Variants in SULF2 observed in about 807,000 individuals in gnomAD.
SULF2 encodes the protein extracellular sulfatase Sulf-2.
SULF2 carries 52 observed loss-of-function variants against 107.7 expected under a neutral mutation model. The observed-to-expected ratio is 0.48, with a 90% CI of 0.39 to 0.61. The LOEUF is 0.61. Ranked by LOEUF, SULF2 falls within the 20% of genes least tolerant of loss-of-function variation. SULF2 has a pLI of 0.00. For missense variants in SULF2, 993 were observed against 1,177.3 expected, an observed-to-expected ratio of 0.84 and a Z score of 2.29; for synonymous variants, 460 against 464.3, an observed-to-expected ratio of 0.99 and a Z score of 0.12.
intron 1 of SULF2, among the ~76,000 whole-genome samples, chr20:47,771,802 A>G (rs1600687747): frequency 1.3e-5 from 2 of 152,298 alleles, no homozygotes. Context: ...GATGCTCATC[A>G]TGCCTGGCTG....
At chr20:47,689,896 GGC>G in intron 5 of SULF2, 1 of 385,932 alleles carries the variant, frequency 2.6e-6, no homozygotes, top group Non-Finnish European at 4.5e-6. Flanking sequence ...CTTGGTGGGA[GGC>G]CGTGTATCCC....
At position 47,672,211 on chromosome 20, in the gene SULF2, T is replaced by C; in HGVS notation, c.1563A>G (p.Lys521=). The C allele has an allele frequency of 6.2e-7, 1 of 1,606,976 alleles. No individual in the cohort carries two copies. The highest frequency in any genetic ancestry group is 8.5e-7 in the Non-Finnish European group (1 of 1,175,156). The part of the protein sequence containing the change: ...YKLSLAGRRK[K]LFKKKYKASY... ...TGTGACACTTACTCTTCTTGAAGAG[T>C]TTTTTCCGGCGTCCGGCCAGGCTGA... Residue 521 remains lysine (K), a synonymous_variant, in exon 11 of 21, where the codon AAA becomes AAG. Transcript: ENST00000688720.
chr20:47,744,946 A>G lies in SULF2; in HGVS notation c.176-8004T>C, dbSNP rs147361902. 5.4e-4 allele frequency among the ~76,000 whole-genome samples: 82 copies of G among 152,208 alleles called. No homozygotes were observed. The East Asian group carries it at 8.7e-3, about 16-fold the overall frequency. On this transcript the variant is annotated intron_variant, in intron 2 of 20. Coordinates refer to ENST00000688720, the MANE Select transcript of SULF2 (RefSeq NM_001387048.1). ...TACAAATGAATATGTGTGTGTGTGT[A>G]TAACACACACACAAACAGATGCACA...
At chr20:47,704,277 A>G (rs1395234521) in intron 3 of SULF2, among the ~76,000 whole-genome samples, 1 of 150,262 alleles carries the variant, frequency 6.7e-6, no homozygotes, top group Non-Finnish European at 1.5e-5. Context: ...TTGCATGTAC[A>G]TTTTTTTTTT....
At chr20:47,781,245 A>G (rs58332202) in intron 1 of SULF2, among the ~76,000 whole-genome samples, 3,982 of 152,336 alleles carry the variant, frequency 0.026, 176 homozygotes, top group African/African-American at 0.091. Flanking sequence ...CTTGGCCAAA[A>G]TGAAGATGGG....
intron 1 of SULF2, among the ~76,000 whole-genome samples, chr20:47,759,820 G>T (rs1043268177): frequency 1.3e-5 from 2 of 152,206 alleles, no homozygotes; most frequent in Admixed American, 1.3e-4. Flanking sequence ...CCCAACCCAG[G>T]CACTCTGCAT....
At position 47,678,513 on chromosome 20, in the gene SULF2, C is replaced by A. The variant is rs1318435405; in HGVS notation, c.1193+163G>T. 2 of 901,660 alleles carry A rather than the reference C, an allele frequency of 2.2e-6. No individual in the cohort carries two copies. The highest frequency in any genetic ancestry group is 1.7e-5 in the African/African-American group (1 of 59,502). 55.9% of individuals were successfully genotyped at this position (901,660 alleles called of 1,614,324 possible). A position where few individuals can be genotyped will look rare whatever the true frequency, so the allele number is the denominator to read the frequency against. On this transcript the variant is annotated intron_variant, in intron 8 of 20. Transcript: ENST00000688720. The surrounding 1 kb of genome is among the most constrained non-coding windows in gnomAD (Gnocchi z 4.5). ...GAAGACAGAATCTCGGAGAGGGGAC[C>A]ATGCTTCTCTCCCACAGCAGGTAAG...
intron 2 of SULF2, among the ~76,000 whole-genome samples, chr20:47,745,697 T>C (rs1463111208): frequency 1.3e-5 from 2 of 151,370 alleles, no homozygotes; most frequent in Non-Finnish European, 1.5e-5. Flanking sequence ...CCCGGCTAAT[T>C]TTTTTTATTT....
intron 4 of SULF2, among the ~76,000 whole-genome samples, chr20:47,696,183 T>C (rs1438125697): frequency 6.6e-6 from 1 of 152,200 alleles, no homozygotes; most frequent in African/African-American, 2.4e-5. Flanking sequence ...AGTTTTCTCA[T>C]CTGACAGTTG....
intron 1 of SULF2, among the ~76,000 whole-genome samples, chr20:47,765,188 A>T (rs1015136748): frequency 1.3e-5 from 2 of 151,424 alleles, no homozygotes; most frequent in African/African-American, 4.9e-5. Context: ...CGTCTCTACT[A>T]AAAAAAATAC....
Position 47,694,908 on chromosome 20 carries a change from C to A in SULF2, c.568-4613G>T, listed in dbSNP as rs1268733396. Among the ~76,000 whole-genome samples, 1 of 152,176 alleles carries A rather than the reference C, an allele frequency of 6.6e-6. No individual in the cohort carries two copies. Among genetic ancestry groups the A allele is most frequent in the Non-Finnish European group, 1.5e-5 (1 of 68,040 alleles). On this transcript the variant is annotated intron_variant, in intron 4 of 20. Coordinates refer to ENST00000688720, the MANE Select transcript of SULF2 (RefSeq NM_001387048.1). The surrounding 1 kb of genome is among the most constrained non-coding windows in gnomAD (Gnocchi z 4.4). ...CAACTTTGACAAGTGGACATTATAC[C>A]CATTTTACAGATAAGGAAGTGAGGT...
In SULF2 at chr20:47,659,382, C is replaced by T; in HGVS notation, c.2582+17G>A. ...TCAGAACCAGATTTCTATTTGTAAG[C>T]TGGTTCCTCAACTCACAGTGATTTG... On this transcript the variant is annotated intron_variant, in intron 20 of 20. Transcript: ENST00000688720. The T allele has an allele frequency of 1.2e-6, 2 of 1,613,130 alleles. No homozygotes were observed. The highest frequency in any genetic ancestry group is 1.7e-6 in the Non-Finnish European group (2 of 1,179,166).
At chr20:47,784,245 C>T (rs1319023134) in intron 1 of SULF2, among the ~76,000 whole-genome samples, 4 of 152,018 alleles carry the variant, frequency 2.6e-5, no homozygotes, top group African/African-American at 4.8e-5. Flanking sequence ...TGTCCCAACA[C>T]GCACAGATGA....
rs891776619 is a variant in SULF2 at position 47,663,567 on chromosome 20, T to C, written c.2113A>G (p.Lys705Glu). The C allele has an allele frequency of 6.2e-7, 1 of 1,611,358 alleles. No individual in the cohort carries two copies. ...CGCTTGAGCAGCTTGCGGAGTTTCT[T>C]CTTGCGCTTCTGCTCCCGCAACAGC... ...VWLLREQKRKKKLRKLLKRLQ... is the reference protein window; with the variant it reads ...VWLLREQKRKEKLRKLLKRLQ... Residue 705 changes from lysine to glutamate, a missense_variant, in exon 16 of 21, where the codon AAG becomes GAG. Around this residue, in one of 3 missense-constraint regions of SULF2, gnomAD observed 497 missense variants for 544.1 expected, o/e 0.91. Coordinates refer to ENST00000688720, the MANE Select transcript of SULF2 (RefSeq NM_001387048.1).
At chr20:47,778,560 G>C (rs987232211) in intron 1 of SULF2, among the ~76,000 whole-genome samples, 1 of 152,234 alleles carries the variant, frequency 6.6e-6, no homozygotes, top group Non-Finnish European at 1.5e-5. Context: ...GGCTGGAGGA[G>C]AAGCTCTGAA....
chr20:47,779,562 T>C (rs1326005444), intron 1 of SULF2, among the ~76,000 whole-genome samples: 2 of 152,164 alleles, frequency 1.3e-5, no homozygotes, highest in Non-Finnish European at 2.9e-5. Flanking sequence ...GAAACACAAA[T>C]CATATCATTC....
intron 2 of SULF2, among the ~76,000 whole-genome samples, chr20:47,745,857 C>T (rs2090023742): frequency 6.6e-6 from 1 of 152,150 alleles, no homozygotes. Context: ...CAAGTATCGT[C>T]TCACGCGGAG....
At chr20:47,745,472 C>G in intron 2 of SULF2, among the ~76,000 whole-genome samples, 1 of 103,862 alleles carries the variant, frequency 9.6e-6, no homozygotes, top group East Asian at 3.3e-4. Context: ...TACACACACA[C>G]TTTTTTAGTT....
chr20:47,659,656 T>C, intron 19 of SULF2, 41 bp downstream of exon 19: 2 of 1,574,034 alleles, frequency 1.3e-6, no homozygotes, highest in Non-Finnish European at 1.7e-6. Context: ...TGGGCCAAGA[T>C]AGGAGAACTT....
Sources: gnomAD v4.1 joint callset for allele counts (sites outside exome capture counted in the v4.1 genomes callset) on GRCh38, gnomAD v4.1.1 for gene constraint, gnomAD v4.1.1 regional missense constraint, Gnocchi (gnomAD v3.1) non-coding constraint, MANE v1.5 for transcripts, NCBI Gene and HGNC (gene_info 2026-07-23, HGNC 2026-07-21) for gene names.